Variants in AGBL1 observed in about 807,000 individuals in gnomAD.
AGBL1 encodes the protein AGBL carboxypeptidase 1, also known as cytosolic carboxypeptidase 4.
AGBL1 carries 130 observed loss-of-function variants against 118.9 expected under a neutral mutation model. That is an observed-to-expected ratio of 1.09 (90% CI 0.95 to 1.26). The LOEUF is 1.26. Ranked by LOEUF, AGBL1 falls within the 50% of genes most tolerant of loss-of-function variation. The probability of loss-of-function intolerance (pLI) is 0.00; values close to 1 mark genes in which losing one functional copy is unlikely to be tolerated. For missense variants in AGBL1, 1,584 were observed against 1,298.1 expected, an observed-to-expected ratio of 1.22 and a Z score of -3.38; for synonymous variants, 555 against 478.9, an observed-to-expected ratio of 1.16 and a Z score of -2.08.
intron 5 of AGBL1, among the ~76,000 whole-genome samples, chr15:86,190,085 A>T (rs2077695367): frequency 6.6e-6 from 1 of 152,250 alleles, no homozygotes; most frequent in Non-Finnish European, 1.5e-5. Context: ...GGACTAAAAG[A>T]AACTTGTTTT....
At chr15:86,246,470 A>G (rs903502545) in intron 6 of AGBL1, among the ~76,000 whole-genome samples, 5 of 152,086 alleles carry the variant, frequency 3.3e-5, no homozygotes, top group African/African-American at 7.2e-5. Context: ...TGCAGGGGTT[A>G]TGGACTGGGC....
chr15:86,380,472 C>G (rs74347275), intron 17 of AGBL1, among the ~76,000 whole-genome samples: 7,058 of 150,362 alleles, frequency 0.047, 337 homozygotes, highest in East Asian at 0.24. Context: ...TTTTTCCTCC[C>G]TCCCTCCCTT....
chr15:86,340,349 T>C (rs2080443515), intron 17 of AGBL1, among the ~76,000 whole-genome samples: 1 of 151,232 alleles, frequency 6.6e-6, no homozygotes, highest in Non-Finnish European at 1.5e-5. Context: ...TATTTGAAAA[T>C]AGGGGCTTTG....
At chr15:86,268,637 C>A (rs563106288) in intron 13 of AGBL1, among the ~76,000 whole-genome samples, 1 of 152,222 alleles carries the variant, frequency 6.6e-6, no homozygotes, top group Non-Finnish European at 1.5e-5. Flanking sequence ...TTGGAGAGAG[C>A]ACTGTGGGAA....
chr15:86,316,409 G>A (rs1459532870), intron 17 of AGBL1, among the ~76,000 whole-genome samples: 1 of 152,150 alleles, frequency 6.6e-6, no homozygotes, highest in Non-Finnish European at 1.5e-5. Flanking sequence ...TGCCGTGGGT[G>A]GACAGGAACA....
rs897507075 is a variant in AGBL1 at position 86,600,615 on chromosome 15, G to A, written c.2994+46078G>A. Among the ~76,000 whole-genome samples, 6 of 152,180 alleles carry A rather than the reference G, an allele frequency of 3.9e-5. No individual in the cohort carries two copies. The South Asian group carries it at 6.2e-4, about 16-fold the overall frequency. On this transcript the variant is annotated intron_variant, in intron 21 of 22. Transcript: ENST00000614907. ...TCTGCTTTTTGTTTTCCTACAGAAGGCACCTTAGGTGGATTGATTAGGAGA... is the reference window on the plus strand; with the variant it reads ...TCTGCTTTTTGTTTTCCTACAGAAGACACCTTAGGTGGATTGATTAGGAGA...
chr15:86,883,446 T>C (rs1388615347), intron 22 of AGBL1, among the ~76,000 whole-genome samples: 1 of 152,214 alleles, frequency 6.6e-6, no homozygotes, highest in Non-Finnish European at 1.5e-5. Context: ...GTCTTCTCCC[T>C]GTAGTGTCCA....
intron 21 of AGBL1, among the ~76,000 whole-genome samples, chr15:86,621,250 G>T (rs1056491611): frequency 6.6e-6 from 1 of 152,174 alleles, no homozygotes; most frequent in African/African-American, 2.4e-5. Context: ...AAGTGAACTG[G>T]GATAGTGAAA....
intron 1 of AGBL1, among the ~76,000 whole-genome samples, chr15:86,116,273 T>C (rs1460316897): frequency 6.6e-6 from 1 of 152,238 alleles, no homozygotes; most frequent in Non-Finnish European, 1.5e-5. Flanking sequence ...TGCTTAGGAT[T>C]ACACAGCCAG....
intron 6 of AGBL1, among the ~76,000 whole-genome samples, chr15:86,244,268 C>T (rs2078686083): frequency 6.6e-6 from 1 of 152,024 alleles, no homozygotes; most frequent in Non-Finnish European, 1.5e-5. Flanking sequence ...ACTCTAAGTC[C>T]ACCCAGAGCA....
chr15:86,754,714 T>C (rs35788587), intron 22 of AGBL1, among the ~76,000 whole-genome samples: 31,989 of 152,078 alleles, frequency 0.21, 3,676 homozygotes, highest in Non-Finnish European at 0.26. Context: ...TGCAGCTTTA[T>C]TGTTGCTTAT....
intron 21 of AGBL1, among the ~76,000 whole-genome samples, chr15:86,601,342 T>C (rs1189336386): frequency 1.3e-5 from 2 of 152,198 alleles, no homozygotes; most frequent in Admixed American, 6.5e-5. Flanking sequence ...TTGTTTTTAA[T>C]ATATTTACCT....
At chr15:86,472,394 T>C (rs1391949885) in intron 18 of AGBL1, among the ~76,000 whole-genome samples, 1 of 152,180 alleles carries the variant, frequency 6.6e-6, no homozygotes, top group East Asian at 1.9e-4. Flanking sequence ...GCCAGTGAAT[T>C]GACAATTCAT....
chr15:86,358,756 A>AT (rs1357813611), intron 17 of AGBL1, among the ~76,000 whole-genome samples: 1 of 151,712 alleles, frequency 6.6e-6, no homozygotes, highest in East Asian at 1.9e-4. Flanking sequence ...TTTAATTTGC[A>AT]TTTTTCTGAT....
chr15:86,756,219 T>C (rs10852079), intron 22 of AGBL1, among the ~76,000 whole-genome samples: 60,965 of 150,458 alleles, frequency 0.41, 12,990 homozygotes, highest in East Asian at 0.55. Context: ...TAAGTCCCCA[T>C]GAAATTCCAG....
chr15:86,700,097 G>A (rs1260798274), intron 22 of AGBL1, among the ~76,000 whole-genome samples: 1 of 151,604 alleles, frequency 6.6e-6, no homozygotes, highest in Admixed American at 6.6e-5. Flanking sequence ...TGGATTCAAG[G>A]ATTACTCTTT....
At position 86,828,914 on chromosome 15, in the gene AGBL1, G is replaced by GTATATATATA. The variant is rs3059643; in HGVS notation, c.3159-78154_3159-78145dup. On this transcript the variant is annotated intron_variant, in intron 22 of 22. Transcript: ENST00000614907. The stretch of plus-strand genomic sequence containing the variant: ...ATTCATATGGTCATAAAGTTCAAAA[G>GTATATATATA]TATATATATATATATATATATATAT... Among the ~76,000 whole-genome samples, 747 of 141,792 alleles carry GTATATATATA rather than the reference G, an allele frequency of 5.3e-3. 4 individuals carry two copies. Among genetic ancestry groups the GTATATATATA allele is most frequent in the East Asian group, 9.4e-3 (45 of 4,770 alleles). The allele number at this position is 141,792 out of a possible 152,430, so 93.0% of individuals were successfully genotyped here.
chr15:86,489,222 T>A (rs1373561832), intron 18 of AGBL1, among the ~76,000 whole-genome samples: 1 of 152,122 alleles, frequency 6.6e-6, no homozygotes, highest in Non-Finnish European at 1.5e-5. Flanking sequence ...AATCTCCTTA[T>A]GATAAGGAGC....
chr15:86,179,258 G>A (rs59715284), intron 5 of AGBL1, among the ~76,000 whole-genome samples: 413 of 152,288 alleles, frequency 2.7e-3, no homozygotes, highest in African/African-American at 9.3e-3. Flanking sequence ...CTAAAGCCTC[G>A]AGGTTAGCAG....
Sources: gnomAD v4.1 joint callset for allele counts (sites outside exome capture counted in the v4.1 genomes callset) on GRCh38, gnomAD v4.1.1 for gene constraint, MANE v1.5 for transcripts, NCBI Gene and HGNC (gene_info 2026-07-23, HGNC 2026-07-21) for gene names.